Variants in BARX2 observed in about 807,000 individuals in gnomAD.
BARX2 encodes homeobox protein BarH-like 2.
Under a neutral mutation model 25.5 loss-of-function variants are expected in BARX2, and 11 were observed. That is an observed-to-expected ratio of 0.43 (90% confidence interval 0.27 to 0.71). The LOEUF (loss-of-function observed/expected upper bound fraction) is 0.71, where lower values mean the gene tolerates loss of function less well. Ranked by LOEUF, BARX2 falls within the 30% of genes least tolerant of loss-of-function variation. The probability of loss-of-function intolerance (pLI) is 0.19; values close to 1 mark genes in which losing one functional copy is unlikely to be tolerated. For missense variants in BARX2, 360 were observed against 359.9 expected, an observed-to-expected ratio of 1.00 and a Z score of 0.00; for synonymous variants, 137 against 149.5, an observed-to-expected ratio of 0.92 and a Z score of 0.61.
At chr11:129,437,602 C>A in intron 2 of BARX2, 1 of 780,188 alleles carries the variant, frequency 1.3e-6, no homozygotes, top group Non-Finnish European at 1.6e-6. Flanking sequence ...CCAGGAGGAC[C>A]TGGCTGAGAG....
upstream of BARX2, among the ~76,000 whole-genome samples, chr11:129,375,544 C>G (rs1247790716): frequency 6.6e-6 from 1 of 151,920 alleles, no homozygotes; most frequent in African/African-American, 2.4e-5. The surrounding 1 kb of genome is among the most constrained non-coding windows in gnomAD (Gnocchi z 4.0). Context: ...GCGCGCTCCC[C>G]GCACCGCGCG....
intron 1 of BARX2, among the ~76,000 whole-genome samples, chr11:129,426,690 T>G (rs1042399197): frequency 3.3e-5 from 5 of 152,134 alleles, no homozygotes; most frequent in African/African-American, 1.2e-4. Flanking sequence ...CTGCCTGCAG[T>G]TTTTAGAAAT....
At chr11:129,414,900 C>A (rs73569181) in intron 1 of BARX2, among the ~76,000 whole-genome samples, 6,332 of 152,286 alleles carry the variant, frequency 0.042, 477 homozygotes, top group African/African-American at 0.14. Context: ...TAAAACTCCT[C>A]AATAATGAGA....
At chr11:129,415,208 A>G (rs1438832504) in intron 1 of BARX2, among the ~76,000 whole-genome samples, 2 of 151,966 alleles carry the variant, frequency 1.3e-5, no homozygotes, top group Non-Finnish European at 2.9e-5. Context: ...ACATGTTTTG[A>G]TGGTGTTATT....
At chr11:129,427,601 T>G (rs1054848031) in intron 1 of BARX2, among the ~76,000 whole-genome samples, 13 of 152,178 alleles carry the variant, frequency 8.5e-5, no homozygotes, top group African/African-American at 3.1e-4. Flanking sequence ...CTTTGGCCTT[T>G]GCTTGTGTAA....
chr11:129,430,164 A>C (rs765868230), intron 1 of BARX2, among the ~76,000 whole-genome samples: 15 of 152,214 alleles, frequency 9.9e-5, no homozygotes, highest in Non-Finnish European at 1.6e-4. Context: ...AGACTCCCAG[A>C]ATTCTGATGA....
chr11:129,449,198 G>T (rs1591451673), intron 3 of BARX2, among the ~76,000 whole-genome samples: 1 of 152,144 alleles, frequency 6.6e-6, no homozygotes, highest in East Asian at 1.9e-4. Flanking sequence ...TTTGGCATGT[G>T]AATTATATCT....
chr11:129,406,629 G>A (rs1240136708), intron 1 of BARX2, among the ~76,000 whole-genome samples: 1 of 152,204 alleles, frequency 6.6e-6, no homozygotes, highest in East Asian at 1.9e-4. Flanking sequence ...CACCTCCCAA[G>A]GCTCTGCTCT....
chr11:129,448,933 A>G (rs892069106), intron 3 of BARX2, among the ~76,000 whole-genome samples: 6 of 152,238 alleles, frequency 3.9e-5, no homozygotes, highest in Admixed American at 1.3e-4. Flanking sequence ...GCCAGTCACA[A>G]AAGTGCACAT....
chr11:129,445,767 G>T (rs1295475009), intron 3 of BARX2, among the ~76,000 whole-genome samples: 1 of 152,124 alleles, frequency 6.6e-6, no homozygotes, highest in Non-Finnish European at 1.5e-5. Context: ...ATTATTTCAC[G>T]GAGCGGTCAG....
At chr11:129,412,963 C>T (rs545902242) in intron 1 of BARX2, among the ~76,000 whole-genome samples, 7 of 152,070 alleles carry the variant, frequency 4.6e-5, no homozygotes, top group Non-Finnish European at 8.8e-5. Context: ...TAAAAAGAAC[C>T]GGAGAGCTAT....
chr11:129,442,811 T>TC (rs942100678), intron 2 of BARX2, 24 bp from the exon 3 acceptor site: 1 of 1,600,132 alleles, frequency 6.2e-7, no homozygotes, highest in African/African-American at 1.3e-5. Flanking sequence ...TGCTCACCTT[T>TC]CCTTTGTATC....
chr11:129,421,133 A>T (rs1422405790), intron 1 of BARX2, among the ~76,000 whole-genome samples: 1 of 152,204 alleles, frequency 6.6e-6, no homozygotes, highest in Non-Finnish European at 1.5e-5. Flanking sequence ...CCTGGTAGCC[A>T]GTTGGATACC....
In BARX2 at chr11:129,375,999, C is replaced by A. The variant is rs1474243580; in HGVS notation, c.-37C>A. ...GCCCCAGCGGGCCGGGCACTCGCAG[C>A]CGCGCTCGGGCCGGCGGACGCTCGC... On this transcript the variant is annotated 5_prime_UTR_variant, in exon 1 of 4. Coordinates refer to ENST00000281437, the MANE Select transcript of BARX2 (RefSeq NM_003658.5). This position sits in a 1 kb window ranked among gnomAD's most constrained non-coding sequence, Gnocchi z 4.0. The A allele has an allele frequency of 7.6e-7, 1 of 1,320,494 alleles. No homozygotes were observed. Among genetic ancestry groups the A allele is most frequent in the Non-Finnish European group, 9.7e-7 (1 of 1,030,374 alleles). The allele number at this position is 1,320,494 out of a possible 1,614,324, so 81.8% of individuals were successfully genotyped here.
chr11:129,445,441 C>CTTGT (rs1200846903), intron 3 of BARX2, among the ~76,000 whole-genome samples: 1 of 152,240 alleles, frequency 6.6e-6, no homozygotes, highest in African/African-American at 2.4e-5. Context: ...TCTGACGTCA[C>CTTGT]TTGTTTTTCA....
rs574672608 is a variant in BARX2, at chr11:129,390,166, C to T, written c.187+13944C>T. 6.6e-5 allele frequency among the ~76,000 whole-genome samples: 10 copies of T among 152,300 alleles called. No individual in the cohort carries two copies. The highest frequency in any genetic ancestry group is 1.4e-4 in the African/African-American group (6 of 41,562). On this transcript the variant is annotated intron_variant, in intron 1 of 3. Transcript: ENST00000281437. This position sits in a 1 kb window ranked among gnomAD's most constrained non-coding sequence, Gnocchi z 4.3. The stretch of plus-strand genomic sequence containing the variant: ...CTCACCTTCTATGGTGCAAAGGCAT[C>T]GCCAGTGAACAGGGTGATGCCTCTG...
chr11:129,425,463 G>A (rs1199968106), intron 1 of BARX2, among the ~76,000 whole-genome samples: 12 of 152,160 alleles, frequency 7.9e-5, no homozygotes, highest in Non-Finnish European at 1.2e-4. Context: ...CAGCATGGCC[G>A]GGAGGAGAAA....
rs564810844 is a variant in BARX2 at position 129,437,256 on chromosome 11, C to T, written c.488+205C>T. 201 of 600,076 alleles carry T rather than the reference C, an allele frequency of 3.3e-4. 1 individual carries two copies. The highest frequency in any genetic ancestry group is 2.7e-3 in the African/African-American group (143 of 53,510). The allele number at this position is 600,076 out of a possible 1,614,324, so 37.2% of individuals were successfully genotyped here. A position where few individuals can be genotyped will look rare whatever the true frequency, so the allele number is the denominator to read the frequency against. The stretch of plus-strand genomic sequence containing the variant: ...CCACACGGTCCCTGGAGCCTGCCTG[C>T]GGCTAAACTTAACTCACCACTTTAT... On this transcript the variant is annotated intron_variant, in intron 2 of 3. Coordinates refer to ENST00000281437, the MANE Select transcript of BARX2 (RefSeq NM_003658.5).
intron 1 of BARX2, among the ~76,000 whole-genome samples, chr11:129,400,086 T>TA (rs1265025811): frequency 7.2e-5 from 11 of 152,182 alleles, no homozygotes; most frequent in Admixed American, 3.3e-4. Flanking sequence ...AAAGGGTACT[T>TA]ATGACTGCTT....
Sources: gnomAD v4.1 joint callset for allele counts (sites outside exome capture counted in the v4.1 genomes callset) on GRCh38, gnomAD v4.1.1 for gene constraint, Gnocchi (gnomAD v3.1) non-coding constraint, MANE v1.5 for transcripts, NCBI Gene and HGNC (gene_info 2026-07-23, HGNC 2026-07-21) for gene names.